Variants in TMEM50A observed in about 807,000 individuals in gnomAD.
TMEM50A encodes cervical cancer oncogene 9.
A neutral mutation model predicts 23.9 loss-of-function variants in TMEM50A; 8 were observed. That is an observed-to-expected ratio of 0.33 (90% CI 0.20 to 0.60). TMEM50A has a LOEUF of 0.60. Among genes scored for constraint, TMEM50A ranks in the 20% least tolerant of loss-of-function variants. TMEM50A has a pLI of 0.81. For missense variants in TMEM50A, 178 were observed against 192.7 expected, an observed-to-expected ratio of 0.92 and a Z score of 0.45; for synonymous variants, 55 against 60.4, an observed-to-expected ratio of 0.91 and a Z score of 0.41.
In TMEM50A at chr1:25,340,578, TAGTA is replaced by T. The variant is rs1291751332; in HGVS notation, c.93+3_93+6del. On this transcript the variant is annotated splice_donor_variant and splice_donor_region_variant and coding_sequence_variant and intron_variant, in exon 2 of 7. Transcript: ENST00000374358. LOFTEE classifies it high-confidence loss of function. ...ATTGCTTCCATTGCTGCTGGTGTAC[TAGTA>T]AGTGTCATTGATTATTTGGGCCTTA... The T allele has an allele frequency of 1.9e-6, 3 of 1,611,264 alleles. No individual in the cohort carries two copies. The highest frequency in any genetic ancestry group is 1.1e-5 in the South Asian group (1 of 90,442).
chr1:25,338,946 G>A, intron 1 of TMEM50A: 1 of 152,164 alleles, frequency 6.6e-6, no homozygotes, highest in Admixed American at 6.5e-5. Flanking sequence ...CCATTGGGAT[G>A]AACCGAAAAT....
intron 2 of TMEM50A, among the ~76,000 whole-genome samples, 179 bp downstream of exon 2, chr1:25,340,758 A>C (rs189898179): frequency 4.5e-4 from 69 of 152,322 alleles, no homozygotes; most frequent in African/African-American, 1.6e-3. Context: ...TATGGTTTAA[A>C]ATTTGATTAA....
At position 25,342,992 on chromosome 1, in the gene TMEM50A, C is replaced by G; in HGVS notation, c.125C>G (p.Ala42Gly). 6.2e-7 allele frequency: 1 copy of G among 1,613,576 alleles called. No homozygotes were observed. Among genetic ancestry groups the G allele is most frequent in the African/African-American group, 1.3e-5 (1 of 75,016 alleles). The stretch of plus-strand genomic sequence containing the variant: ...ACAGGCTGGTGGATTATCATAGATG[C>G]AGCTGTTATTTATCCCACCATGAAA... ...FFTGWWIIID[A>G]AVIYPTMKDF... Residue 42 changes from alanine (A) to glycine (G), a missense_variant, in exon 3 of 7, where the codon GCA becomes GGA. Coordinates refer to ENST00000374358, the MANE Select transcript of TMEM50A (RefSeq NM_014313.4).
At position 25,357,609 on chromosome 1, in the gene TMEM50A, A is replaced by AGTGTGTGTGTGTGT. The variant is rs60773283; in HGVS notation, c.428+783_428+796dup. 1.3e-4 allele frequency among the ~76,000 whole-genome samples: 14 copies of AGTGTGTGTGTGTGT among 111,536 alleles called. 1 individual carries two copies. Among genetic ancestry groups the AGTGTGTGTGTGTGT allele is most frequent in the African/African-American group, 2.1e-4 (6 of 28,260 alleles). The allele number at this position is 111,536 out of a possible 152,430, so 73.2% of individuals were successfully genotyped here. A position where few individuals can be genotyped will look rare whatever the true frequency, so the allele number is the denominator to read the frequency against. ...GAGACAGAGTCTCAGTCTCTCACCC[A>AGTGTGTGTGTGTGT]GTGTGTGTGTGTGTGTGTGTGTGTG... On this transcript the variant is annotated intron_variant, in intron 6 of 6. Transcript: ENST00000374358.
intron 5 of TMEM50A, among the ~76,000 whole-genome samples, chr1:25,354,008 T>G (rs1436767409): frequency 6.6e-6 from 1 of 152,150 alleles, no homozygotes; most frequent in East Asian, 1.9e-4. Context: ...TTTTTTATTT[T>G]TTGAGACAGG....
intron 5 of TMEM50A, among the ~76,000 whole-genome samples, chr1:25,353,489 T>C (rs970286059): frequency 9.2e-5 from 14 of 152,202 alleles, no homozygotes; most frequent in African/African-American, 3.4e-4. Context: ...GCTATGTTGC[T>C]AAGGCTGGCC....
chr1:25,342,890 TA>T, intron 2 of TMEM50A, 70 bp from the exon 3 acceptor site: 3 of 1,293,170 alleles, frequency 2.3e-6, no homozygotes, highest in Non-Finnish European at 3.3e-6. Flanking sequence ...TCTCCTCACT[TA>T]AATACCTTGC....
intron 6 of TMEM50A, among the ~76,000 whole-genome samples, chr1:25,357,516 C>A (rs2124262858): frequency 6.7e-6 from 1 of 150,098 alleles, no homozygotes; most frequent in East Asian, 2.0e-4. Context: ...GCTCTTAATC[C>A]TCTGCATCAG....
At chr1:25,358,294 A>G (rs970896203) in intron 6 of TMEM50A, among the ~76,000 whole-genome samples, 2 of 152,196 alleles carry the variant, frequency 1.3e-5, no homozygotes, top group African/African-American at 4.8e-5. Flanking sequence ...AAGGTGAGGT[A>G]TCACCAGACA....
chr1:25,354,815 A>G (rs1043562353), intron 5 of TMEM50A, among the ~76,000 whole-genome samples: 21 of 151,950 alleles, frequency 1.4e-4, no homozygotes, highest in Non-Finnish European at 3.1e-4. Flanking sequence ...TTTGTTGCCC[A>G]GGCTGGAGTG....
chr1:25,352,808 TTTTA>T (rs759476844), intron 4 of TMEM50A, 70 bp from the exon 5 acceptor site: 125 of 1,406,150 alleles, frequency 8.9e-5, no homozygotes, highest in Non-Finnish European at 1.1e-4. Context: ...TCTGTTTGGG[TTTTA>T]TTTTCTTTTT....
At chr1:25,343,613 G>A (rs933315737) in intron 3 of TMEM50A, among the ~76,000 whole-genome samples, 6 of 152,124 alleles carry the variant, frequency 3.9e-5, no homozygotes, top group Middle Eastern at 3.4e-3. Context: ...GCTCAGGTTG[G>A]TCTCCTGGGC....
At position 25,362,085 on chromosome 1, in the gene TMEM50A, G is replaced by A; in HGVS notation, c.*1380G>A. ...TTCAGAATATGCTCAGGGAATGCCA[G>A]CCACCTTGTAAAACTGCTGGGAGAA... On this transcript the variant is annotated 3_prime_UTR_variant, in exon 7 of 7. Transcript: ENST00000374358. 1 of 306,180 alleles carries A rather than the reference G, an allele frequency of 3.3e-6. No individual in the cohort carries two copies. Among genetic ancestry groups the A allele is most frequent in the Non-Finnish European group, 6.2e-6 (1 of 160,584 alleles). The allele number at this position is 306,180 out of a possible 1,614,324, so 19.0% of individuals were successfully genotyped here. A position where few individuals can be genotyped will look rare whatever the true frequency, so the allele number is the denominator to read the frequency against.
rs1370886012 is a variant in TMEM50A, at chr1:25,361,464, C to T, written c.*759C>T. 1 of 152,276 alleles carries T rather than the reference C, an allele frequency of 6.6e-6. No individual in the cohort carries two copies. Among genetic ancestry groups the T allele is most frequent in the Admixed American group, 6.5e-5 (1 of 15,282 alleles). 9.4% of individuals were successfully genotyped at this position (152,276 alleles called of 1,614,324 possible). A position where few individuals can be genotyped will look rare whatever the true frequency, so the allele number is the denominator to read the frequency against. On this transcript the variant is annotated 3_prime_UTR_variant, in exon 7 of 7. Transcript: ENST00000374358. ...TGACACTCCAGTCTTAGACAGGGGA[C>T]AATTTCTTTGTAGTTGTTCTGATAA...
At chr1:25,354,410 T>C (rs914525984) in intron 5 of TMEM50A, among the ~76,000 whole-genome samples, 2 of 152,160 alleles carry the variant, frequency 1.3e-5, no homozygotes, top group African/African-American at 4.8e-5. Context: ...GCCAGGATTT[T>C]GAGACCAGCT....
At chr1:25,357,562 T>TGTGTGTGTGTTG (rs397778370) in intron 6 of TMEM50A, among the ~76,000 whole-genome samples, 4 of 132,016 alleles carry the variant, frequency 3.0e-5, no homozygotes, top group African/African-American at 1.3e-4. Flanking sequence ...TGTGTGTGTG[T>TGTGTGTGTGTTG]TGTGTGTGTG....
At position 25,360,817 on chromosome 1, in the gene TMEM50A, C is replaced by G. The variant is rs8876; in HGVS notation, c.*112C>G. 46,137 of 1,210,918 alleles carry G rather than the reference C, an allele frequency of 0.038. 1,033 individuals carry two copies. Among genetic ancestry groups the G allele is most frequent in the South Asian group, 0.044 (3,330 of 75,560 alleles). The allele number at this position is 1,210,918 out of a possible 1,614,324, so 75.0% of individuals were successfully genotyped here. A position where few individuals can be genotyped will look rare whatever the true frequency, so the allele number is the denominator to read the frequency against. ...TTCTAAACTTATTTCTGAGTGTAGT[C>G]TCAGCTTAAAGTTGTGTAATACTAA... On this transcript the variant is annotated 3_prime_UTR_variant, in exon 7 of 7. Coordinates refer to ENST00000374358, the MANE Select transcript of TMEM50A (RefSeq NM_014313.4).
intron 3 of TMEM50A, among the ~76,000 whole-genome samples, chr1:25,344,542 G>GT (rs569255388): frequency 2.6e-4 from 38 of 148,298 alleles, no homozygotes; most frequent in African/African-American, 2.5e-4. Context: ...TTTTCCTATA[G>GT]TTTTTTTTTT....
chr1:25,356,956 C>T, intron 6 of TMEM50A, 103 bp downstream of exon 6: 1 of 733,342 alleles, frequency 1.4e-6, no homozygotes. Flanking sequence ...TCCAATGCCC[C>T]TCCCCCATGA....
Sources: allele counts gnomAD v4.1 joint callset (sites outside exome capture counted in the v4.1 genomes callset), GRCh38; gene constraint gnomAD v4.1.1; transcripts MANE v1.5; gene names NCBI Gene and HGNC (gene_info 2026-07-23, HGNC 2026-07-21).